Variants in ARHGAP42 observed in about 807,000 individuals in gnomAD.
ARHGAP42 encodes the protein rho GTPase-activating protein 42.
ARHGAP42 carries 63 observed loss-of-function variants against 125.0 expected under a neutral mutation model. That is an observed-to-expected ratio of 0.50 (90% CI 0.41 to 0.62). ARHGAP42 has a LOEUF of 0.62. Among genes scored for constraint, ARHGAP42 ranks in the 20% least tolerant of loss-of-function variants. The probability of loss-of-function intolerance (pLI) is 0.00; values close to 1 mark genes in which losing one functional copy is unlikely to be tolerated. For missense variants in ARHGAP42, 766 were observed against 1,024.2 expected, an observed-to-expected ratio of 0.75 and a Z score of 3.44; for synonymous variants, 339 against 351.0, an observed-to-expected ratio of 0.97 and a Z score of 0.38.
At chr11:100,859,532 A>G in intron 3 of ARHGAP42, 22 bp from the exon 4 acceptor site, 1 of 1,522,402 alleles carries the variant, frequency 6.6e-7, no homozygotes, top group Non-Finnish European at 8.8e-7. Context: ...AAGATTTAAT[A>G]TATGTGCATT....
intron 9 of ARHGAP42, among the ~76,000 whole-genome samples, chr11:100,943,297 T>G (rs1237116938): frequency 6.6e-6 from 1 of 151,986 alleles, no homozygotes; most frequent in Non-Finnish European, 1.5e-5. Flanking sequence ...CCTGAGCTAG[T>G]TATCATTTAA....
chr11:100,972,754 TA>T (rs1670871835), intron 17 of ARHGAP42, among the ~76,000 whole-genome samples: 1 of 152,270 alleles, frequency 6.6e-6, no homozygotes, highest in South Asian at 2.1e-4. Context: ...CTGGGAAGAC[TA>T]AATACAATAA....
intron 15 of ARHGAP42, 67 bp from the exon 16 acceptor site, chr11:100,962,342 C>CAAGT (rs1255992456): frequency 7.9e-7 from 1 of 1,261,670 alleles, no homozygotes; most frequent in Admixed American, 2.2e-5. Flanking sequence ...CTTAAAGAAA[C>CAAGT]ACTTAACGTT....
chr11:100,835,868 A>G (rs1400636363), intron 3 of ARHGAP42, among the ~76,000 whole-genome samples: 4 of 152,048 alleles, frequency 2.6e-5, no homozygotes, highest in Non-Finnish European at 5.9e-5. Flanking sequence ...AATAAATCTG[A>G]CTTTGAATTT....
chr11:100,869,510 A>T (rs1408788998), intron 4 of ARHGAP42, among the ~76,000 whole-genome samples: 1 of 152,092 alleles, frequency 6.6e-6, no homozygotes, highest in Non-Finnish European at 1.5e-5. Context: ...GAAACAAACC[A>T]AATGACATTT....
At chr11:100,733,004 A>G (rs901560961) in intron 1 of ARHGAP42, among the ~76,000 whole-genome samples, 1 of 152,244 alleles carries the variant, frequency 6.6e-6, no homozygotes, top group African/African-American at 2.4e-5. Context: ...TATTACTCAT[A>G]ATTAATATTT....
intron 23 of ARHGAP42, 23 bp from the exon 24 acceptor site, chr11:100,988,690 T>G (rs1858752432): frequency 4.9e-6 from 7 of 1,421,640 alleles, no homozygotes; most frequent in Non-Finnish European, 6.7e-6. Flanking sequence ...GACTGAGTGC[T>G]ATTTATTTAT....
At chr11:100,901,805 C>A (rs1304850749) in intron 4 of ARHGAP42, among the ~76,000 whole-genome samples, 1 of 152,196 alleles carries the variant, frequency 6.6e-6, no homozygotes, top group Non-Finnish European at 1.5e-5. Context: ...CCCGTTTTTC[C>A]AGGTACAGTC....
intron 4 of ARHGAP42, among the ~76,000 whole-genome samples, chr11:100,910,845 C>G (rs1240437152): frequency 6.6e-6 from 1 of 151,830 alleles, no homozygotes; most frequent in Admixed American, 6.6e-5. Context: ...CATTGGAACC[C>G]TTGAGATCTT....
intron 4 of ARHGAP42, among the ~76,000 whole-genome samples, chr11:100,871,558 A>AAG (rs910343135): frequency 1.3e-5 from 2 of 151,348 alleles, no homozygotes; most frequent in African/African-American, 2.4e-5. Flanking sequence ...AAAAAAAAAA[A>AAG]AAAGAAAAAA....
At chr11:100,920,042 T>C (rs1230495942) in intron 5 of ARHGAP42, among the ~76,000 whole-genome samples, 1 of 152,248 alleles carries the variant, frequency 6.6e-6, no homozygotes, top group African/African-American at 2.4e-5. Flanking sequence ...CAATAAGCGA[T>C]GGTAAGAAGA....
At chr11:100,853,113 C>A (rs1320946841) in intron 3 of ARHGAP42, among the ~76,000 whole-genome samples, 1 of 152,124 alleles carries the variant, frequency 6.6e-6, no homozygotes, top group Non-Finnish European at 1.5e-5. Context: ...TTCTTAAATG[C>A]ATACATTTTG....
intron 4 of ARHGAP42, among the ~76,000 whole-genome samples, chr11:100,861,853 A>G (rs750273301): frequency 4.6e-5 from 7 of 152,208 alleles, no homozygotes; most frequent in African/African-American, 7.2e-5. Flanking sequence ...TGGGAATTCT[A>G]TCTTCTAGGT....
intron 4 of ARHGAP42, among the ~76,000 whole-genome samples, chr11:100,895,156 T>G (rs1316425365): frequency 6.6e-6 from 1 of 152,212 alleles, no homozygotes; most frequent in African/African-American, 2.4e-5. Flanking sequence ...CAGTGTAATA[T>G]AACCAGTGGT....
intron 7 of ARHGAP42, 108 bp downstream of exon 7, chr11:100,933,368 A>G (rs926707624): frequency 4.4e-6 from 3 of 684,066 alleles, no homozygotes; most frequent in South Asian, 2.9e-5. Flanking sequence ...TACAACCCAC[A>G]AAACCCTAAT....
intron 4 of ARHGAP42, among the ~76,000 whole-genome samples, chr11:100,872,044 G>A (rs1282569620): frequency 6.6e-6 from 1 of 152,102 alleles, no homozygotes; most frequent in Non-Finnish European, 1.5e-5. Flanking sequence ...CACCCAGCCT[G>A]GTTCATTTAT....
In ARHGAP42 at chr11:100,823,193, G is replaced by A. The variant is rs186659206; in HGVS notation, c.312+28027G>A. Among the ~76,000 whole-genome samples the A allele has an allele frequency of 4.1e-4, 62 of 152,196 alleles. 1 individual carries two copies. The highest frequency in any genetic ancestry group is 3.5e-3 in the Admixed American group (53 of 15,276). The stretch of plus-strand genomic sequence containing the variant: ...AGAAGCCCAGACAATTGGTAGGTTC[G>A]CACTGAAATCTTTTTGAAGAAGAAA... On this transcript the variant is annotated intron_variant, in intron 3 of 23. Coordinates refer to ENST00000298815, the MANE Select transcript of ARHGAP42 (RefSeq NM_152432.4).
chr11:100,791,104 G>A (rs1054610271), intron 2 of ARHGAP42, among the ~76,000 whole-genome samples: 1 of 152,106 alleles, frequency 6.6e-6, no homozygotes, highest in African/African-American at 2.4e-5. Context: ...TCCAAAGTCT[G>A]GTGTAGAATA....
intron 12 of ARHGAP42, among the ~76,000 whole-genome samples, chr11:100,951,634 A>G (rs1857652834): frequency 6.6e-6 from 1 of 152,184 alleles, no homozygotes; most frequent in South Asian, 2.1e-4. Context: ...ATGCTTAATT[A>G]AATGTACCAC....
Sources: allele counts gnomAD v4.1 joint callset (sites outside exome capture counted in the v4.1 genomes callset), GRCh38; gene constraint gnomAD v4.1.1; transcripts MANE v1.5; gene names NCBI Gene and HGNC (gene_info 2026-07-23, HGNC 2026-07-21).